Variants in SOBP observed in about 807,000 individuals in gnomAD.
SOBP encodes sine oculis-binding protein homolog.
Under a neutral mutation model 53.6 loss-of-function variants are expected in SOBP, and 4 were observed. The ratio of observed to expected loss-of-function variants is 0.07; its 90% confidence interval spans 0.04 to 0.17. The LOEUF (loss-of-function observed/expected upper bound fraction) is 0.17. Among genes scored for constraint, SOBP ranks in the 10% least tolerant of loss-of-function variants. SOBP has a pLI of 1.00. For missense variants in SOBP, 1,088 were observed against 1,204.7 expected, an observed-to-expected ratio of 0.90 and a Z score of 1.43; for synonymous variants, 584 against 522.6, an observed-to-expected ratio of 1.12 and a Z score of -1.60.
At chr6:107,521,912 AC>A (rs1783505099) in intron 3 of SOBP, among the ~76,000 whole-genome samples, 1 of 8,920 alleles carries the variant, frequency 1.1e-4, no homozygotes, top group East Asian at 1.8e-3. Flanking sequence ...ACATTAAAAC[AC>A]ACACACACAC....
At chr6:107,515,825 A>G (rs1273617276) in intron 3 of SOBP, among the ~76,000 whole-genome samples, 1 of 152,228 alleles carries the variant, frequency 6.6e-6, no homozygotes, top group South Asian at 2.1e-4. Context: ...ATAGCAAACC[A>G]AAGCCAATGA....
chr6:107,500,746 C>G (rs1257992662), intron 1 of SOBP, among the ~76,000 whole-genome samples: 1 of 152,064 alleles, frequency 6.6e-6, no homozygotes, highest in East Asian at 1.9e-4. Context: ...AGGATGGTCT[C>G]GATCTCCTGA....
rs116487307 is a variant in SOBP, at chr6:107,547,498, A to G, written c.573+13888A>G. ...TTATAAAAGGCTAACGCTGAACTTT[A>G]AAAGAGTTGACACAGAGGATTAAAT... On this transcript the variant is annotated intron_variant, in intron 4 of 6. Transcript: ENST00000317357. Among the ~76,000 whole-genome samples, 866 of 152,360 alleles carry G rather than the reference A, an allele frequency of 5.7e-3. 10 individuals are homozygous for G. The highest frequency in any genetic ancestry group is 0.02 in the African/African-American group (841 of 41,588).
intron 4 of SOBP, among the ~76,000 whole-genome samples, chr6:107,545,999 C>G (rs1245681971): frequency 1.3e-5 from 2 of 151,994 alleles, no homozygotes; most frequent in African/African-American, 4.8e-5. Context: ...GTAAAGCTGG[C>G]GTGATTAAGC....
At chr6:107,595,538 T>C (rs1338139002) in intron 5 of SOBP, among the ~76,000 whole-genome samples, 7 of 152,142 alleles carry the variant, frequency 4.6e-5, no homozygotes, top group Admixed American at 2.6e-4. Context: ...AACTGAACAA[T>C]TGCCTAAAAT....
At chr6:107,582,273 G>C (rs931213546) in intron 4 of SOBP, among the ~76,000 whole-genome samples, 1 of 152,160 alleles carries the variant, frequency 6.6e-6, no homozygotes, top group African/African-American at 2.4e-5. Context: ...CCAAGACTTT[G>C]GCTCAGAGGA....
rs907279755 is a variant in SOBP, at chr6:107,524,982, T to G, written c.422-8477T>G. On this transcript the variant is annotated intron_variant, in intron 3 of 6. Transcript: ENST00000317357. The stretch of plus-strand genomic sequence containing the variant: ...GTACATTGGTGGAAACAAAATGTCC[T>G]GCTGTAAAAAGCCTGTTGTTTAACT... 2.0e-5 allele frequency among the ~76,000 whole-genome samples: 3 copies of G among 152,396 alleles called. No homozygotes were observed. The East Asian group carries it at 5.8e-4, about 29-fold the overall frequency.
intron 3 of SOBP, among the ~76,000 whole-genome samples, chr6:107,518,266 A>C (rs1344729293): frequency 6.6e-6 from 1 of 152,214 alleles, no homozygotes. Context: ...CTCATTAGGG[A>C]CATCAGATTT....
In SOBP at chr6:107,633,982, C is replaced by T. The variant is rs766633091; in HGVS notation, c.1138C>T (p.Pro380Ser). 3.3e-5 allele frequency: 54 copies of T among 1,613,954 alleles called. 1 individual carries two copies. The South Asian group carries it at 5.8e-4, about 17-fold the overall frequency. The change falls in exon 6 of 7, where the codon CCT (proline) becomes TCT (serine). Residue 380 changes from proline to serine, a missense_variant. This residue lies in a region of SOBP where 211 missense variants were observed against 258.9 expected (regional missense o/e 0.82). Transcript: ENST00000317357. ...ASIGPPLGVP[P>S]RSPPMVMTNR... Reference sequence around the variant, plus strand: ...CATCGGGCCTCCCCTTGGCGTCCCGCCTCGGAGCCCTCCCATGGTGATGAC... The same window carrying T: ...CATCGGGCCTCCCCTTGGCGTCCCGTCTCGGAGCCCTCCCATGGTGATGAC...
At chr6:107,546,917 G>A (rs1423360209) in intron 4 of SOBP, among the ~76,000 whole-genome samples, 1 of 152,164 alleles carries the variant, frequency 6.6e-6, no homozygotes, top group African/African-American at 2.4e-5. Context: ...AAGGAATAAA[G>A]CCCAGCCTTG....
chr6:107,589,106 G>C (rs1785662838), intron 5 of SOBP, among the ~76,000 whole-genome samples: 1 of 152,202 alleles, frequency 6.6e-6, no homozygotes, highest in Non-Finnish European at 1.5e-5. Context: ...ACTTAGAGCA[G>C]ATTTTTAAAG....
chr6:107,569,585 C>T (rs1393473363), intron 4 of SOBP, among the ~76,000 whole-genome samples: 1 of 152,214 alleles, frequency 6.6e-6, no homozygotes, highest in East Asian at 1.9e-4. Flanking sequence ...TTATAAGTCA[C>T]AGTCTAGCTT....
chr6:107,587,008 C>T, intron 4 of SOBP, 72 bp from the exon 5 acceptor site: 3 of 1,101,136 alleles, frequency 2.7e-6, no homozygotes, highest in Non-Finnish European at 4.2e-6. Flanking sequence ...ATGATCTGAG[C>T]TGTTATGCTT....
At position 107,521,960 on chromosome 6, in the gene SOBP, A is replaced by AC. The variant is rs1583169483; in HGVS notation, c.422-11499_422-11498insC. The stretch of plus-strand genomic sequence containing the variant: ...CACACACACACACACACACACACAC[A>AC]AACTCAATCAAGTCTGAGAATTACC... On this transcript the variant is annotated intron_variant, in intron 3 of 6. Coordinates refer to ENST00000317357, the MANE Select transcript of SOBP (RefSeq NM_018013.4). Among the ~76,000 whole-genome samples the AC allele has an allele frequency of 1.6e-4, 21 of 130,794 alleles. No individual in the cohort carries two copies. The East Asian group carries it at 2.6e-3, about 16-fold the overall frequency. The allele number at this position is 130,794 out of a possible 152,430, so 85.8% of individuals were successfully genotyped here. A position where few individuals can be genotyped will look rare whatever the true frequency, so the allele number is the denominator to read the frequency against.
intron 4 of SOBP, among the ~76,000 whole-genome samples, chr6:107,547,612 A>G (rs1784337725): frequency 6.6e-6 from 1 of 152,250 alleles, no homozygotes. Context: ...TAATAATAAA[A>G]CTAAAGAATT....
rs983584116 is a variant in SOBP, at chr6:107,658,386, C to G, written c.*183C>G. On this transcript the variant is annotated 3_prime_UTR_variant, in exon 7 of 7. Transcript: ENST00000317357. ...AGCCCTCCCTCGATGGCCTCTAGCC[C>G]AGAGAAGCCCGCGCATCTTGGACCC... The G allele has an allele frequency of 7.9e-5, 12 of 152,756 alleles. No individual in the cohort carries two copies. Among genetic ancestry groups the G allele is most frequent in the African/African-American group, 2.6e-4 (11 of 41,554 alleles). The allele number at this position is 152,756 out of a possible 1,614,324, so 9.5% of individuals were successfully genotyped here. A position where few individuals can be genotyped will look rare whatever the true frequency, so the allele number is the denominator to read the frequency against.
At chr6:107,547,122 C>G (rs1784322553) in intron 4 of SOBP, among the ~76,000 whole-genome samples, 1 of 152,148 alleles carries the variant, frequency 6.6e-6, no homozygotes, top group South Asian at 2.1e-4. Flanking sequence ...CAGAGAATTA[C>G]CCTCCGCCCA....
rs1770857824 is a variant in SOBP, at chr6:107,634,191, C to T, written c.1347C>T (p.Ser449=). The T allele has an allele frequency of 2.5e-6, 4 of 1,606,096 alleles. No individual in the cohort carries two copies. The highest frequency in any genetic ancestry group is 3.4e-6 in the Non-Finnish European group (4 of 1,178,072). The change falls in exon 6 of 7, where the codon AGC becomes AGT. Residue 449 remains serine, a synonymous_variant. Transcript: ENST00000317357. This position sits in a 1 kb window ranked among gnomAD's most constrained non-coding sequence, Gnocchi z 4.5. ...GGPRNLGPTS[S]PMHRPMLSPH... ...CCAGAAACCTGGGCCCCACTTCCAG[C>T]CCCATGCACCGGCCCATGCTATCGC...
At chr6:107,521,909 A>AACACACACACACACACAC (rs34004579) in intron 3 of SOBP, among the ~76,000 whole-genome samples, 1 of 139,274 alleles carries the variant, frequency 7.2e-6, no homozygotes, top group African/African-American at 2.8e-5. Context: ...CAGACATTAA[A>AACACACACACACACACAC]ACACACACAC....
Sources: gnomAD v4.1 joint callset for allele counts (sites outside exome capture counted in the v4.1 genomes callset) on GRCh38, gnomAD v4.1.1 for gene constraint, gnomAD v4.1.1 regional missense constraint, Gnocchi (gnomAD v3.1) non-coding constraint, MANE v1.5 for transcripts, NCBI Gene and HGNC (gene_info 2026-07-23, HGNC 2026-07-21) for gene names.